ARID4A: variants seen among roughly 807,000 people sequenced by gnomAD.
The protein encoded by ARID4A is AT-rich interactive domain-containing protein 4A.
In ARID4A, 39 loss-of-function variants were observed where a neutral mutation model predicts 148.6. The observed-to-expected ratio is 0.26, with a 90% confidence interval of 0.20 to 0.34. ARID4A has a LOEUF of 0.34. Ranked by LOEUF, ARID4A falls within the 10% of genes least tolerant of loss-of-function variation. ARID4A has a pLI of 1.00. For missense variants in ARID4A, 1,265 were observed against 1,449.1 expected (o/e 0.87, Z 2.06); for synonymous variants, 475 against 481.2 (o/e 0.99, Z 0.17).
chr14:58,359,265 A>G (rs764665197), intron 18 of ARID4A, 49 bp downstream of exon 18: 23 of 1,514,206 alleles, frequency 1.5e-5, no homozygotes, highest in East Asian at 2.3e-5. Flanking sequence ...GAATTATCCA[A>G]ATTGTATTGT....
intron 8 of ARID4A, among the ~76,000 whole-genome samples, chr14:58,325,017 T>G (rs2140179998): frequency 6.6e-6 from 1 of 152,216 alleles, no homozygotes; most frequent in East Asian, 1.9e-4. Flanking sequence ...CACCTAAAAT[T>G]TAAGGAAGAT....
At chr14:58,350,252 T>C (rs2034574373) in intron 15 of ARID4A, among the ~76,000 whole-genome samples, 1 of 152,072 alleles carries the variant, frequency 6.6e-6, no homozygotes, top group Admixed American at 6.6e-5. Context: ...GCCTTTGAAG[T>C]GTAAATAGCA....
intron 7 of ARID4A, among the ~76,000 whole-genome samples, chr14:58,319,794 T>C (rs2032736318): frequency 6.6e-6 from 1 of 151,628 alleles, no homozygotes; most frequent in South Asian, 2.1e-4. Flanking sequence ...TTGCCCGCCT[T>C]GGCCTCTCAA....
chr14:58,368,176 AAAATAAT>A (rs1458033131), intron 23 of ARID4A, among the ~76,000 whole-genome samples: 2 of 152,220 alleles, frequency 1.3e-5, no homozygotes, highest in African/African-American at 4.8e-5. Flanking sequence ...GTGCTAAACC[AAAATAAT>A]GGATGGAGTG....
intron 20 of ARID4A, 34 bp from the exon 21 acceptor site, chr14:58,365,484 T>TTG: frequency 8.0e-7 from 1 of 1,254,312 alleles, no homozygotes. Flanking sequence ...TTTTTTTTTT[T>TTG]TTTTTCAACA....
chr14:58,310,171 T>A (rs1013050369), intron 5 of ARID4A, among the ~76,000 whole-genome samples: 4 of 152,208 alleles, frequency 2.6e-5, no homozygotes, highest in African/African-American at 9.6e-5. Context: ...AATGTAATTA[T>A]GTATTTGAGT....
At chr14:58,299,010 C>T (rs2030837841) in intron 1 of ARID4A, among the ~76,000 whole-genome samples, 1 of 152,174 alleles carries the variant, frequency 6.6e-6, no homozygotes. Context: ...GGGGAGCCGT[C>T]CCCCAACTCC....
Position 58,371,939 on chromosome 14 carries a change from C to A in ARID4A, c.3724C>A (p.Pro1242Thr), listed in dbSNP as rs1412826774. 1 of 1,612,824 alleles carries A rather than the reference C, an allele frequency of 6.2e-7. No individual in the cohort carries two copies. The highest frequency in any genetic ancestry group is 8.5e-7 in the Non-Finnish European group (1 of 1,178,918). Residue 1242 changes from proline (P) to threonine (T), a missense_variant, in exon 24 of 24, where the codon CCC becomes ACC. This residue lies in a region of ARID4A where 666 missense variants were observed against 730.9 expected (regional missense o/e 0.91). Transcript: ENST00000355431. ...SSASSDTGMS[P>T]SSSSPPQNVL... ...TGCTTCATCAGACACTGGAATGAGT[C>A]CCTCATCATCATCTCCCCCACAAAA...
intron 13 of ARID4A, 96 bp from the exon 14 acceptor site, chr14:58,346,924 T>C (rs2034393512): frequency 3.6e-6 from 1 of 274,810 alleles, no homozygotes; most frequent in South Asian, 5.2e-5. Context: ...TGAGACCCTG[T>C]CTCAAAAAAA....
In ARID4A at chr14:58,299,844, C is replaced by A; in HGVS notation, c.-11C>A. 3 of 1,614,214 alleles carry A rather than the reference C, an allele frequency of 1.9e-6. No homozygotes were observed. The highest frequency in any genetic ancestry group is 2.5e-6 in the Non-Finnish European group (3 of 1,180,022). On this transcript the variant is annotated 5_prime_UTR_variant, in exon 2 of 24. Transcript: ENST00000355431. ...CTCGCTGAGCTGGAACCCCACAGAT[C>A]ACCAACAAAAATGAAGGTAAGTGGA... is the stretch of plus-strand genomic sequence containing the variant.
intron 15 of ARID4A, among the ~76,000 whole-genome samples, chr14:58,350,100 T>TAAAAAAA (rs758927898): frequency 1.2e-5 from 1 of 83,808 alleles, no homozygotes; most frequent in African/African-American, 4.7e-5. Context: ...GACTCTGTCT[T>TAAAAAAA]AAAAAAAAAA....
intron 16 of ARID4A, among the ~76,000 whole-genome samples, chr14:58,352,513 T>C (rs923575804): frequency 2.0e-5 from 3 of 152,218 alleles, no homozygotes; most frequent in Non-Finnish European, 2.9e-5. Context: ...TGTAACTCTT[T>C]TGTAAATGGA....
At chr14:58,317,065 T>A (rs1045314554) in intron 5 of ARID4A, among the ~76,000 whole-genome samples, 7 of 149,190 alleles carry the variant, frequency 4.7e-5, no homozygotes, top group African/African-American at 1.7e-4. Context: ...TGGTGACGTG[T>A]GCCTGTAGTC....
intron 5 of ARID4A, among the ~76,000 whole-genome samples, chr14:58,311,937 G>A (rs1461604000): frequency 2.0e-5 from 3 of 150,390 alleles, no homozygotes; most frequent in Non-Finnish European, 4.4e-5. Flanking sequence ...TGGGGTGGGC[G>A]GGGGGTGAGG....
intron 14 of ARID4A, among the ~76,000 whole-genome samples, 159 bp from the exon 15 acceptor site, chr14:58,347,488 G>T (rs879289691): frequency 5.3e-5 from 8 of 152,162 alleles, no homozygotes; most frequent in Non-Finnish European, 1.0e-4. Flanking sequence ...TTCTGTTTAT[G>T]ATTCTATCTA....
chr14:58,311,693 T>A (rs1258352893), intron 5 of ARID4A, among the ~76,000 whole-genome samples: 1 of 152,176 alleles, frequency 6.6e-6, no homozygotes, highest in Non-Finnish European at 1.5e-5. Flanking sequence ...TTTAAGTCTC[T>A]ATGAGCAGAT....
At chr14:58,300,445 T>C (rs552303082) in intron 2 of ARID4A, among the ~76,000 whole-genome samples, 3 of 152,344 alleles carry the variant, frequency 2.0e-5, no homozygotes, top group Admixed American at 1.3e-4. Context: ...AAGGATCTCA[T>C]ATAGCGTTCT....
intron 6 of ARID4A, 30 bp downstream of exon 6, chr14:58,318,651 T>C: frequency 6.2e-7 from 1 of 1,613,600 alleles, no homozygotes; most frequent in Non-Finnish European, 8.5e-7. Context: ...CGATTTGGAT[T>C]GAACTACAGG....
intron 1 of ARID4A, chr14:58,299,505 G>A (rs897956842): frequency 1.1e-4 from 31 of 270,210 alleles, no homozygotes; most frequent in Non-Finnish European, 2.1e-4. Flanking sequence ...GGCCTTTTCC[G>A]GAGCTATCTG....
Sources: allele counts gnomAD v4.1 joint callset (sites outside exome capture counted in the v4.1 genomes callset), GRCh38; gene constraint gnomAD v4.1.1; regional missense constraint gnomAD v4.1.1; transcripts MANE v1.5; gene names NCBI Gene and HGNC (gene_info 2026-07-23, HGNC 2026-07-21).